Variants in HEATR5B observed in about 807,000 individuals in gnomAD.
The protein encoded by HEATR5B is HEAT repeat-containing protein 5B.
In HEATR5B, 156 loss-of-function variants were observed where a neutral mutation model predicts 224.1. That is an observed-to-expected ratio of 0.70 (90% CI 0.61 to 0.80). The LOEUF is 0.80. Among genes scored for constraint, HEATR5B ranks in the 30% least tolerant of loss-of-function variants. The probability of loss-of-function intolerance (pLI) is 0.00; values close to 1 mark genes in which losing one functional copy is unlikely to be tolerated. For missense variants in HEATR5B, 2,323 were observed against 2,535.5 expected (o/e 0.92, Z 1.80); for synonymous variants, 1,027 against 893.0 (o/e 1.15, Z -2.68).
At chr2:37,062,934 T>C (rs1481985136) in intron 10 of HEATR5B, among the ~76,000 whole-genome samples, 4 of 152,198 alleles carry the variant, frequency 2.6e-5, no homozygotes, top group African/African-American at 9.6e-5. Flanking sequence ...ACTACAAGTG[T>C]ATGCCAACAT....
In HEATR5B at chr2:37,058,455, A is replaced by G. The variant is rs369490725; in HGVS notation, c.2055T>C (p.Tyr685=). The part of the protein sequence containing the change: ...DILALLPPKT[Y]EGSFNALLRE... ...TACCACAAATTTTTAATTTACCTTCATAAGTTTTTGGAGGTAACAAAGCCA... is the reference window on the plus strand; with the variant it reads ...TACCACAAATTTTTAATTTACCTTCGTAAGTTTTTGGAGGTAACAAAGCCA... Residue 685 remains tyrosine, a synonymous_variant, in exon 14 of 36, where the codon TAT becomes TAC. Transcript: ENST00000233099. 9.4e-6 allele frequency: 15 copies of G among 1,592,322 alleles called. No homozygotes were observed. The highest frequency in any genetic ancestry group is 1.7e-4 in the Middle Eastern group (1 of 5,896).
intron 18 of HEATR5B, among the ~76,000 whole-genome samples, chr2:37,047,174 T>C (rs1363655367): frequency 6.8e-6 from 1 of 147,978 alleles, no homozygotes; most frequent in Non-Finnish European, 1.5e-5. Context: ...CAGGATCCCA[T>C]CTCAAAAAAA....
At position 36,990,666 on chromosome 2, in the gene HEATR5B, T is replaced by C; in HGVS notation, c.5679A>G (p.Leu1893=). The C allele has an allele frequency of 6.3e-7, 1 of 1,594,200 alleles. No individual in the cohort carries two copies. The highest frequency in any genetic ancestry group is 1.3e-5 in the African/African-American group (1 of 74,250). The change falls in exon 34 of 36, where the codon TTA becomes TTG. Residue 1893 remains leucine, a synonymous_variant. Transcript: ENST00000233099. ...NGCMNRFKNA[L]NSCDPWVQAK... ...AACTTACCCATGGGTCGCATGAATT[T>C]AATGCATTTTTAAATCTGTTCATGC...
At chr2:37,068,487 T>A (rs1209524622) in intron 8 of HEATR5B, among the ~76,000 whole-genome samples, 194 bp downstream of exon 8, 7 of 152,140 alleles carry the variant, frequency 4.6e-5, no homozygotes, top group African/African-American at 1.7e-4. Flanking sequence ...CTTACCAACA[T>A]ACCACCCAAA....
intron 34 of HEATR5B, among the ~76,000 whole-genome samples, 164 bp downstream of exon 34, chr2:36,990,484 G>A (rs1186452379): frequency 1.3e-5 from 2 of 152,136 alleles, no homozygotes. Context: ...ATACACATGT[G>A]TTCTAGTGCT....
intron 6 of HEATR5B, among the ~76,000 whole-genome samples, chr2:37,071,474 G>T (rs890981890): frequency 6.6e-6 from 1 of 152,132 alleles, no homozygotes; most frequent in East Asian, 1.9e-4. Context: ...TGGTACAAAT[G>T]GGGATCTACT....
chr2:37,053,517 A>G lies in HEATR5B; in HGVS notation c.2490T>C (p.Val830=). The part of the protein sequence containing the change: ...QAVQLNIFTA[V]LSALKGLAEN... ...AAGTAAATACCTTTAGTGCACTAAG[A>G]ACAGCAGTAAATATGTTAAGCTGCA... Residue 830 remains valine, a synonymous_variant, in exon 17 of 36, where the codon GTT becomes GTC. Coordinates refer to ENST00000233099, the MANE Select transcript of HEATR5B (RefSeq NM_019024.3). The G allele has an allele frequency of 6.2e-7, 1 of 1,600,382 alleles. No individual in the cohort carries two copies. The highest frequency in any genetic ancestry group is 8.5e-7 in the Non-Finnish European group (1 of 1,170,250).
At chr2:37,077,761 A>C (rs942539918) in intron 3 of HEATR5B, among the ~76,000 whole-genome samples, 1 of 152,208 alleles carries the variant, frequency 6.6e-6, no homozygotes, top group Non-Finnish European at 1.5e-5. Context: ...ATATGTCTCT[A>C]TCTTGTCCTG....
At chr2:37,007,784 C>G (rs1405361960) in intron 28 of HEATR5B, among the ~76,000 whole-genome samples, 2 of 152,226 alleles carry the variant, frequency 1.3e-5, no homozygotes, top group African/African-American at 4.8e-5. Context: ...ACTGGAATAC[C>G]TGTCTCTTCC....
chr2:36,987,165 A>T (rs1276494220), intron 35 of HEATR5B, among the ~76,000 whole-genome samples: 2 of 152,210 alleles, frequency 1.3e-5, no homozygotes, highest in Non-Finnish European at 2.9e-5. Context: ...GCAGCGGCTC[A>T]CGCTTGTAAT....
intron 22 of HEATR5B, among the ~76,000 whole-genome samples, chr2:37,031,046 T>C (rs574113369): frequency 4.6e-5 from 7 of 152,320 alleles, no homozygotes; most frequent in African/African-American, 1.4e-4. Context: ...AATAAAAACA[T>C]TGGGCATTAA....
intron 21 of HEATR5B, among the ~76,000 whole-genome samples, chr2:37,033,966 T>A (rs1422540295): frequency 6.6e-6 from 1 of 152,158 alleles, no homozygotes; most frequent in East Asian, 1.9e-4. Context: ...AAGGAAGTAA[T>A]CTTTTAGAAA....
chr2:37,017,513 C>A (rs372053817), intron 26 of HEATR5B, among the ~76,000 whole-genome samples: 1 of 151,474 alleles, frequency 6.6e-6, no homozygotes, highest in African/African-American at 2.4e-5. Context: ...GATGCAACCC[C>A]GTCTCTACTA....
At position 37,005,704 on chromosome 2, in the gene HEATR5B, A is replaced by C. The variant is rs1667370301; in HGVS notation, c.4833T>G (p.Val1611=). The change falls in exon 30 of 36, where the codon GTT becomes GTG. Residue 1611 remains valine (V), a synonymous_variant. Coordinates refer to ENST00000233099, the MANE Select transcript of HEATR5B (RefSeq NM_019024.3). ...SPRPEEPIEH[V]TACLQALHTL... ...TATGTAAGGCCTGCAGGCATGCTGT[A>C]ACATGTTCAATGGGCTCCTCAGGTC... 1 of 1,611,602 alleles carries C rather than the reference A, an allele frequency of 6.2e-7. No homozygotes were observed. Among genetic ancestry groups the C allele is most frequent in the African/African-American group, 1.3e-5 (1 of 74,936 alleles).
intron 22 of HEATR5B, among the ~76,000 whole-genome samples, chr2:37,029,936 A>T (rs865981566): frequency 1.2e-4 from 17 of 142,466 alleles, no homozygotes; most frequent in African/African-American, 4.2e-4. Flanking sequence ...TCTATCTCAA[A>T]AAATAAATAA....
chr2:37,029,532 C>G (rs572706795), intron 22 of HEATR5B, among the ~76,000 whole-genome samples: 4 of 152,014 alleles, frequency 2.6e-5, no homozygotes, highest in Non-Finnish European at 5.9e-5. Flanking sequence ...GGCATGGTGG[C>G]GGGTGTCTGT....
At chr2:37,010,925 A>G (rs1558727796) in intron 27 of HEATR5B, among the ~76,000 whole-genome samples, 1 of 152,182 alleles carries the variant, frequency 6.6e-6, no homozygotes, top group African/African-American at 2.4e-5. Context: ...AAAAAAACAA[A>G]TAATACATAG....
At chr2:37,028,598 T>C (rs1202740459) in intron 23 of HEATR5B, 83 bp downstream of exon 23, 2 of 1,031,942 alleles carry the variant, frequency 1.9e-6, no homozygotes, top group East Asian at 2.7e-5. Context: ...TTTACATGTA[T>C]GTATCTTTAT....
chr2:37,041,335 C>T, intron 18 of HEATR5B, 43 bp from the exon 19 acceptor site: 1 of 1,583,738 alleles, frequency 6.3e-7, no homozygotes, highest in Non-Finnish European at 8.6e-7. Flanking sequence ...TTGCTATTTC[C>T]CTATAAAAAC....
Sources: allele counts gnomAD v4.1 joint callset (sites outside exome capture counted in the v4.1 genomes callset), GRCh38; gene constraint gnomAD v4.1.1; transcripts MANE v1.5; gene names NCBI Gene and HGNC (gene_info 2026-07-23, HGNC 2026-07-21).